The following DPP10 variants were observed in gnomAD, a reference collection of about 807,000 sequenced individuals.
DPP10 encodes the protein dipeptidyl peptidase like 10, also known as inactive dipeptidyl peptidase 10.
A neutral mutation model predicts 120.9 loss-of-function variants in DPP10; 33 were observed. That is an observed-to-expected ratio of 0.27 (90% confidence interval 0.21 to 0.37). The LOEUF (loss-of-function observed/expected upper bound fraction) is 0.37. Ranked by LOEUF, DPP10 falls within the 10% of genes least tolerant of loss-of-function variation. The pLI is 1.00. For synonymous variants in DPP10, 337 were observed against 326.1 expected, an observed-to-expected ratio of 1.03 and a Z score of -0.36; for missense variants, 816 against 942.8, an observed-to-expected ratio of 0.87 and a Z score of 1.76.
At chr2:115,634,689 G>A (rs374375706) in intron 5 of DPP10, among the ~76,000 whole-genome samples, 4 of 152,144 alleles carry the variant, frequency 2.6e-5, no homozygotes, top group Admixed American at 2.0e-4. Context: ...CCTCCAGTCA[G>A]GAGGCACCGG....
chr2:114,571,875 T>C (rs1252068720), intron 1 of DPP10, among the ~76,000 whole-genome samples: 1 of 148,524 alleles, frequency 6.7e-6, no homozygotes, highest in Admixed American at 6.8e-5. Context: ...ATATATTGTA[T>C]ATATATAGTA....
chr2:115,077,305 AT>A (rs1415947935), intron 1 of DPP10, among the ~76,000 whole-genome samples: 1 of 152,172 alleles, frequency 6.6e-6, no homozygotes, highest in Non-Finnish European at 1.5e-5. Context: ...TATAATTCTG[AT>A]TTAATAATTA....
rs13402425 is a variant in DPP10 at position 114,925,359 on chromosome 2, G to A, written c.61-383880G>A. Among the ~76,000 whole-genome samples the A allele has an allele frequency of 4.1e-3, 630 of 152,274 alleles. 1 individual carries two copies. The highest frequency in any genetic ancestry group is 0.015 in the African/African-American group (616 of 41,562). ...TTTAAACTTTAAATACCAAAGTTGT[G>A]GAAGGCAGAAGGGAGCAAAGAGTTC... On this transcript the variant is annotated intron_variant, in intron 1 of 25. Coordinates refer to ENST00000410059, the MANE Select transcript of DPP10 (RefSeq NM_020868.6).
chr2:115,533,234 G>C (rs1447555520), intron 5 of DPP10, among the ~76,000 whole-genome samples: 1 of 151,976 alleles, frequency 6.6e-6, no homozygotes. Flanking sequence ...ACATAAATCT[G>C]CATAAGAATT....
intron 1 of DPP10, among the ~76,000 whole-genome samples, chr2:114,776,242 C>A (rs906980156): frequency 3.3e-5 from 5 of 152,098 alleles, no homozygotes; most frequent in African/African-American, 1.2e-4. Flanking sequence ...ACAAACAAAC[C>A]TCCATGATCT....
intron 1 of DPP10, among the ~76,000 whole-genome samples, chr2:114,781,796 A>G (rs1682350642): frequency 6.6e-6 from 1 of 152,072 alleles, no homozygotes; most frequent in South Asian, 2.1e-4. Context: ...GAGTTCTCTC[A>G]GGTCTGCAGA....
intron 1 of DPP10, among the ~76,000 whole-genome samples, chr2:115,218,503 A>G (rs2056956983): frequency 1.3e-5 from 2 of 152,128 alleles, no homozygotes; most frequent in African/African-American, 2.4e-5. Context: ...TTTAAGCTGT[A>G]AGGTTTCCAA....
intron 1 of DPP10, among the ~76,000 whole-genome samples, chr2:114,719,563 C>T (rs994313253): frequency 1.3e-5 from 2 of 152,144 alleles, no homozygotes; most frequent in African/African-American, 4.8e-5. Flanking sequence ...TAACATAGGG[C>T]ATACATGGCC....
intron 3 of DPP10, among the ~76,000 whole-genome samples, chr2:115,376,772 A>T (rs1023662441): frequency 2.0e-5 from 3 of 148,180 alleles, no homozygotes; most frequent in Admixed American, 1.4e-4. Flanking sequence ...TCATTGTTCA[A>T]TTCCCACCTA....
At chr2:114,632,734 G>C (rs538880519) in intron 1 of DPP10, among the ~76,000 whole-genome samples, 2 of 151,896 alleles carry the variant, frequency 1.3e-5, no homozygotes, top group Admixed American at 1.3e-4. Context: ...GGATGGTCTC[G>C]ATCTCCTGAC....
chr2:115,149,458 T>A (rs2051411842), intron 1 of DPP10, among the ~76,000 whole-genome samples: 1 of 152,196 alleles, frequency 6.6e-6, no homozygotes, highest in Non-Finnish European at 1.5e-5. Flanking sequence ...CAATTAGGAT[T>A]TAAATTTATC....
At chr2:115,084,978 A>C (rs1708574383) in intron 1 of DPP10, among the ~76,000 whole-genome samples, 1 of 152,180 alleles carries the variant, frequency 6.6e-6, no homozygotes, top group Non-Finnish European at 1.5e-5. Context: ...CTGTTTTTGC[A>C]CCACACTGAT....
intron 1 of DPP10, among the ~76,000 whole-genome samples, chr2:114,798,277 T>A (rs1683887666): frequency 6.6e-6 from 1 of 152,080 alleles, no homozygotes. Flanking sequence ...TGGGTCAGTG[T>A]TGGTTCTTAG....
intron 5 of DPP10, among the ~76,000 whole-genome samples, chr2:115,564,836 T>C (rs1575189845): frequency 6.6e-6 from 1 of 152,354 alleles, no homozygotes; most frequent in South Asian, 2.1e-4. Flanking sequence ...TTGTCTTTTA[T>C]TGATAGAAGA....
intron 3 of DPP10, among the ~76,000 whole-genome samples, chr2:115,396,030 C>T (rs2067654396): frequency 6.6e-6 from 1 of 152,140 alleles, no homozygotes; most frequent in African/African-American, 2.4e-5. Context: ...AATTAGCTTT[C>T]CTTCACCATA....
chr2:114,918,995 C>T (rs1485040024), intron 1 of DPP10, among the ~76,000 whole-genome samples: 2 of 77,150 alleles, frequency 2.6e-5, no homozygotes, highest in South Asian at 8.2e-4. Flanking sequence ...TTGGAGATGA[C>T]AAAAAGTTGA....
intron 1 of DPP10, chr2:115,161,967 C>G: frequency 7.0e-7 from 1 of 1,429,366 alleles, no homozygotes; most frequent in East Asian, 3.1e-5. Context: ...ATGACGGCCG[C>G]GAAGCAGGAG....
chr2:115,379,467 C>T (rs994399900), intron 3 of DPP10, among the ~76,000 whole-genome samples: 4 of 152,098 alleles, frequency 2.6e-5, no homozygotes, highest in South Asian at 2.1e-4. Flanking sequence ...GTCTTGCTAG[C>T]GGTCTGTCAA....
chr2:114,851,869 A>G (rs1688967928), intron 1 of DPP10, among the ~76,000 whole-genome samples: 1 of 152,160 alleles, frequency 6.6e-6, no homozygotes, highest in Admixed American at 6.6e-5. Context: ...CATCTGCACA[A>G]TTCTGCTCAC....
Sources: gnomAD v4.1 joint callset for allele counts (sites outside exome capture counted in the v4.1 genomes callset) on GRCh38, gnomAD v4.1.1 for gene constraint, MANE v1.5 for transcripts, NCBI Gene and HGNC (gene_info 2026-07-23, HGNC 2026-07-21) for gene names.